DDX20: variants seen among roughly 807,000 people sequenced by gnomAD.
DDX20 encodes the protein probable ATP-dependent RNA helicase DDX20.
A neutral mutation model predicts 76.4 loss-of-function variants in DDX20; 61 were observed. The observed-to-expected ratio is 0.80, with a 90% confidence interval of 0.65 to 0.99. DDX20 has a LOEUF of 0.99. Ranked by LOEUF, DDX20 falls within the 50% of genes least tolerant of loss-of-function variation. DDX20 has a pLI of 0.00. For missense variants in DDX20, 976 were observed against 996.8 expected (o/e 0.98, Z 0.28); for synonymous variants, 357 against 357.4 (o/e 1.00, Z 0.01).
At position 111,760,970 on chromosome 1, in the gene DDX20, AT is replaced by A; in HGVS notation, c.824-16del. The A allele has an allele frequency of 6.2e-7, 1 of 1,609,492 alleles. No homozygotes were observed. Among genetic ancestry groups the A allele is most frequent in the Non-Finnish European group, 8.5e-7 (1 of 1,178,536 alleles). On this transcript the variant is annotated splice_polypyrimidine_tract_variant and intron_variant, in intron 5 of 10. Transcript: ENST00000369702. Reference sequence around the variant, plus strand: ...TTAGCATATATATTTGTTTTAACTGATAGCTCTTCTTTGTAGGTTTGAAGCA... The same window carrying A: ...TTAGCATATATATTTGTTTTAACTGAAGCTCTTCTTTGTAGGTTTGAAGCA...
In DDX20 at chr1:111,765,761, A is replaced by C. The variant is rs772535724; in HGVS notation, c.1337A>C (p.Glu446Ala). Reference protein sequence around the residue: ...LPDPIPSGLMEECVDWDVEVK... With the variant: ...LPDPIPSGLMAECVDWDVEVK... ...GATCCCATTCCTTCTGGTCTGATGG[A>C]AGAATGTGTGGATTGGGATGTGGAA... Residue 446 changes from glutamate to alanine, a missense_variant, in exon 11 of 11, where the codon GAA becomes GCA. This residue lies in a region of DDX20 where 630 missense variants were observed against 693.7 expected (regional missense o/e 0.91). Transcript: ENST00000369702. 3 of 1,602,218 alleles carry C rather than the reference A, an allele frequency of 1.9e-6. No homozygotes were observed. In the African/African-American group the frequency reaches 4.0e-5, roughly 22 times the overall value.
intron 7 of DDX20, 140 bp downstream of exon 7, chr1:111,761,424 G>T: frequency 7.9e-6 from 5 of 631,982 alleles, no homozygotes; most frequent in South Asian, 5.1e-5. Flanking sequence ...GAATTTTCAG[G>T]CTTATTTTTC....
At chr1:111,756,350 TGCCGGGGGCTAGGCGCTAC>T in intron 1 of DDX20, 125 bp downstream of exon 1, 1 of 971,132 alleles carries the variant, frequency 1.0e-6, no homozygotes. Context: ...AGCAGGGCCC[TGCCGGGGGCTAGGCGCTAC>T]GCTCAGTTAA....
At position 111,756,914 on chromosome 1, in the gene DDX20, G is replaced by GCTAC. The variant is rs1224906648; in HGVS notation, c.396+176_396+179dup. Among the ~76,000 whole-genome samples the GCTAC allele has an allele frequency of 2.6e-5, 4 of 152,172 alleles. No individual in the cohort carries two copies. The East Asian group carries it at 7.7e-4, about 29-fold the overall frequency. ...GCGTACCTTATTTAAATAGAATAAA[G>GCTAC]CTACCATATATGTCAATTTTGTCAC... On this transcript the variant is annotated intron_variant, in intron 2 of 10. Coordinates refer to ENST00000369702, the MANE Select transcript of DDX20 (RefSeq NM_007204.5).
chr1:111,764,601 G>A (rs980047561), intron 10 of DDX20, among the ~76,000 whole-genome samples: 1 of 152,078 alleles, frequency 6.6e-6, no homozygotes, highest in Non-Finnish European at 1.5e-5. Flanking sequence ...AAGTCTATTC[G>A]TAGTCTGATA....
In DDX20 at chr1:111,755,923, C is replaced by T. The variant is rs766259547; in HGVS notation, c.-2C>T. 3 of 1,569,490 alleles carry T rather than the reference C, an allele frequency of 1.9e-6. No individual in the cohort carries two copies. The highest frequency in any genetic ancestry group is 2.6e-6 in the Non-Finnish European group (3 of 1,153,510). On this transcript the variant is annotated 5_prime_UTR_variant, in exon 1 of 11. Transcript: ENST00000369702. ...ACCGCGAGATCTGACGGCGCGGCTA[C>T]CATGGCGGCGGCATTTGAAGCCTCG... is the stretch of plus-strand genomic sequence containing the variant.
At position 111,756,654 on chromosome 1, in the gene DDX20, G is replaced by A; in HGVS notation, c.310G>A (p.Val104Ile). 1.2e-6 allele frequency: 2 copies of A among 1,614,004 alleles called. No homozygotes were observed. The highest frequency in any genetic ancestry group is 1.7e-6 in the Non-Finnish European group (2 of 1,179,926). ...PLGRCGLDLI[V>I]QAKSGTGKTC... ...GTTTTTTTCCTTCGCAGATTTAATT[G>A]TTCAAGCTAAATCTGGCACCGGGAA... Residue 104 changes from valine to isoleucine, a missense_variant, in exon 2 of 11, where the codon GTT becomes ATT. Coordinates refer to ENST00000369702, the MANE Select transcript of DDX20 (RefSeq NM_007204.5).
At position 111,766,610 on chromosome 1, in the gene DDX20, A is replaced by G. The variant is rs761316827; in HGVS notation, c.2186A>G (p.Gln729Arg). ...ACAAGACTTAAAGAGGGGGCTAGCC[A>G]GAGAGCTAAGCAGAGCCGGAGAAAC... ...MKTRLKEGAS[Q>R]RAKQSRRNLP... The change falls in exon 11 of 11, where the codon CAG (glutamine) becomes CGG (arginine). Residue 729 changes from glutamine to arginine, a missense_variant. By Grantham distance (43) the Gln-to-Arg change is conservative. This residue lies in a region of DDX20 where 630 missense variants were observed against 693.7 expected (regional missense o/e 0.91). Transcript: ENST00000369702. 3 of 1,614,224 alleles carry G rather than the reference A, an allele frequency of 1.9e-6. No homozygotes were observed. The South Asian group carries it at 3.3e-5, about 18-fold the overall frequency.
intron 10 of DDX20, among the ~76,000 whole-genome samples, 195 bp downstream of exon 10, chr1:111,763,202 CAT>C (rs1302525186): frequency 6.6e-6 from 1 of 152,118 alleles, no homozygotes; most frequent in Non-Finnish European, 1.5e-5. Context: ...GATATTTAGA[CAT>C]AGAGAGGGTA....
In DDX20 at chr1:111,766,498, G is replaced by T; in HGVS notation, c.2074G>T (p.Asp692Tyr). 6.2e-7 allele frequency: 1 copy of T among 1,614,144 alleles called. No individual in the cohort carries two copies. The highest frequency in any genetic ancestry group is 8.5e-7 in the Non-Finnish European group (1 of 1,180,004). ...AGACTCTGAATCTACGCCTGTGGAT[G>T]ATCGTATTTCTTTGGAACAACCACC... Reference protein sequence around the residue: ...LKDSESTPVDDRISLEQPPNG... With the variant: ...LKDSESTPVDYRISLEQPPNG... The change falls in exon 11 of 11, where the codon GAT becomes TAT. Residue 692 changes from aspartate (D) to tyrosine (Y), a missense_variant. Coordinates refer to ENST00000369702, the MANE Select transcript of DDX20 (RefSeq NM_007204.5).
In DDX20 at chr1:111,761,132, T is replaced by TGCTTA; in HGVS notation, c.962+7_962+8insGCTTA. 3 of 1,612,904 alleles carry TGCTTA rather than the reference T, an allele frequency of 1.9e-6. No homozygotes were observed. Among genetic ancestry groups the TGCTTA allele is most frequent in the Non-Finnish European group, 2.5e-6 (3 of 1,179,466 alleles). On this transcript the variant is annotated splice_region_variant and intron_variant, in intron 6 of 10. Transcript: ENST00000369702. ...TTTCTAATTTGCACAGCAGGTAATGTAACTTAAAAGGTCATCTGGGGAACT... is the reference window on the plus strand; with the variant it reads ...TTTCTAATTTGCACAGCAGGTAATGTGCTTAAACTTAAAAGGTCATCTGGGGAACT...
chr1:111,766,649 C>G lies in DDX20; in HGVS notation c.2225C>G (p.Ser742Cys), dbSNP rs1326550502. 6.2e-7 allele frequency: 1 copy of G among 1,614,182 alleles called. No homozygotes were observed. The highest frequency in any genetic ancestry group is 2.2e-5 in the East Asian group (1 of 44,886). ...KQSRRNLPRR[S>C]SFRLQTEAQE... ...AGCCGGAGAAACCTACCCAGGCGGT[C>G]TTCCTTCAGATTGCAGACTGAAGCC... is the stretch of plus-strand genomic sequence containing the variant. The change falls in exon 11 of 11, where the codon TCT (serine) becomes TGT (cysteine). Residue 742 changes from serine to cysteine, a missense_variant. Ser to Cys is a moderately radical substitution (Grantham distance 112, BLOSUM62 -1). This residue lies in a region of DDX20 where 630 missense variants were observed against 693.7 expected (regional missense o/e 0.91). Coordinates refer to ENST00000369702, the MANE Select transcript of DDX20 (RefSeq NM_007204.5).
Position 111,759,470 on chromosome 1 carries a change from A to G in DDX20, c.467A>G (p.Lys156Arg). ...TCTGTTATTACAGCCATTGGAATAAAAATGGAAGGCTTAGAGTGTCATGTC... is the reference window on the plus strand; with the variant it reads ...TCTGTTATTACAGCCATTGGAATAAGAATGGAAGGCTTAGAGTGTCATGTC... Reference protein sequence around the residue: ...IHSVITAIGIKMEGLECHVFI... With the variant: ...IHSVITAIGIRMEGLECHVFI... The change falls in exon 3 of 11, where the codon AAA (lysine) becomes AGA (arginine). Residue 156 changes from lysine to arginine, a missense_variant. This residue lies in a region of DDX20 where 343 missense variants were observed against 286.4 expected (regional missense o/e 1.20). Transcript: ENST00000369702. The G allele has an allele frequency of 6.2e-7, 1 of 1,613,898 alleles. No individual in the cohort carries two copies. The highest frequency in any genetic ancestry group is 8.5e-7 in the Non-Finnish European group (1 of 1,179,824).
Position 111,767,620 on chromosome 1 carries a change from T to TA in DDX20, c.*723dup, listed in dbSNP as rs1394011143. ...GTTGCTCAGATAGAGGAGCAGCTCT[T>TA]AATCTTTTTTGGTTCTTGGATCCTT... On this transcript the variant is annotated 3_prime_UTR_variant, in exon 11 of 11. Transcript: ENST00000369702. 6.6e-6 allele frequency: 1 copy of TA among 152,166 alleles called. No individual in the cohort carries two copies. Among genetic ancestry groups the TA allele is most frequent in the Admixed American group, 6.6e-5 (1 of 15,264 alleles). The allele number at this position is 152,166 out of a possible 1,614,324, so 9.4% of individuals were successfully genotyped here.
rs1201120722 is a variant in DDX20, at chr1:111,766,087, G to A, written c.1663G>A (p.Glu555Lys). The change falls in exon 11 of 11, where the codon GAA becomes AAA. Residue 555 changes from glutamate (E) to lysine (K), a missense_variant. Glu to Lys is a moderately conservative substitution (Grantham distance 56, BLOSUM62 1). Coordinates refer to ENST00000369702, the MANE Select transcript of DDX20 (RefSeq NM_007204.5). ...GAAGAATTCTGTTCAGACTCCCGTT[G>A]AAAACTCCACCAACAGTCAGCACCA... The part of the protein sequence containing the change: ...QMKNSVQTPV[E>K]NSTNSQHQVK... The A allele has an allele frequency of 1.2e-6, 2 of 1,614,206 alleles. No individual in the cohort carries two copies. The highest frequency in any genetic ancestry group is 3.3e-5 in the Admixed American group (2 of 60,022).
At position 111,766,750 on chromosome 1, in the gene DDX20, T is replaced by G. The variant is rs1192256578; in HGVS notation, c.2326T>G (p.Tyr776Asp). Residue 776 changes from tyrosine to aspartate, a missense_variant, in exon 11 of 11, where the codon TAC becomes GAC. By Grantham distance (160) the Tyr-to-Asp change is radical. This residue lies in a region of DDX20 where 630 missense variants were observed against 693.7 expected (regional missense o/e 0.91). Transcript: ENST00000369702. ...TGATACCTATCAGGATTATGAGGAG[T>G]ACTGGAGAGCTTACTACAGGGCATG... The part of the protein sequence containing the change: ...FSDTYQDYEE[Y>D]WRAYYRAWQE... The G allele has an allele frequency of 6.2e-7, 1 of 1,613,962 alleles. No homozygotes were observed. The highest frequency in any genetic ancestry group is 1.3e-5 in the African/African-American group (1 of 74,876).
chr1:111,763,435 G>T (rs561991505), intron 10 of DDX20, among the ~76,000 whole-genome samples: 2 of 152,252 alleles, frequency 1.3e-5, no homozygotes, highest in South Asian at 4.1e-4. Context: ...AGCTGGGCGT[G>T]GTGGCAGGTG....
chr1:111,765,617 T>A, intron 10 of DDX20, 120 bp from the exon 11 acceptor site: 1 of 824,368 alleles, frequency 1.2e-6, no homozygotes, highest in South Asian at 2.0e-5. Flanking sequence ...AACATCTTAG[T>A]ATATTTGCAT....
In DDX20 at chr1:111,767,725, A is replaced by G. The variant is rs1663811665; in HGVS notation, c.*826A>G. 2 of 152,196 alleles carry G rather than the reference A, an allele frequency of 1.3e-5. No homozygotes were observed. The highest frequency in any genetic ancestry group is 2.1e-4 in the South Asian group (1 of 4,834). 9.4% of individuals were successfully genotyped at this position (152,196 alleles called of 1,614,324 possible). A position where few individuals can be genotyped will look rare whatever the true frequency, so the allele number is the denominator to read the frequency against. Reference sequence around the variant, plus strand: ...GCACAGAATTGTGAGTGTAATTTCAAGGGGTTCATAGACCCTCTGAAGTTC... The same window carrying G: ...GCACAGAATTGTGAGTGTAATTTCAGGGGGTTCATAGACCCTCTGAAGTTC... On this transcript the variant is annotated 3_prime_UTR_variant, in exon 11 of 11. Coordinates refer to ENST00000369702, the MANE Select transcript of DDX20 (RefSeq NM_007204.5).
Sources: gnomAD v4.1 joint callset for allele counts (sites outside exome capture counted in the v4.1 genomes callset) on GRCh38, gnomAD v4.1.1 for gene constraint, gnomAD v4.1.1 regional missense constraint, MANE v1.5 for transcripts, NCBI Gene and HGNC (gene_info 2026-07-23, HGNC 2026-07-21) for gene names.